ITSN2: variants seen among roughly 807,000 people sequenced by gnomAD.
The protein encoded by ITSN2 is intersectin 2, also known as intersectin-2.
A neutral mutation model predicts 243.7 loss-of-function variants in ITSN2; 156 were observed. The observed-to-expected ratio is 0.64, with a 90% CI of 0.56 to 0.73. ITSN2 has a LOEUF of 0.73. Among genes scored for constraint, ITSN2 ranks in the 30% least tolerant of loss-of-function variants. The pLI is 0.00. For synonymous variants in ITSN2, 703 were observed against 699.9 expected (o/e 1.00, Z -0.07); for missense variants, 1,801 against 1,996.1 (o/e 0.90, Z 1.86).
chr2:24,297,113 A>C (rs1681065118), intron 13 of ITSN2, among the ~76,000 whole-genome samples: 1 of 152,254 alleles, frequency 6.6e-6, no homozygotes, highest in Admixed American at 6.5e-5. Flanking sequence ...GGCATGATTA[A>C]TACTTGTGGT....
chr2:24,239,799 A>AT (rs912441632), intron 29 of ITSN2: 2 of 152,130 alleles, frequency 1.3e-5, no homozygotes, highest in African/African-American at 4.8e-5. Flanking sequence ...GACTTAAGTT[A>AT]TTATGTCATA....
chr2:24,302,063 T>G lies in ITSN2; in HGVS notation c.897A>C (p.Ala299=), dbSNP rs762856430. 1 of 1,612,106 alleles carries G rather than the reference T, an allele frequency of 6.2e-7. No individual in the cohort carries two copies. The highest frequency in any genetic ancestry group is 8.5e-7 in the Non-Finnish European group (1 of 1,178,810). The part of the protein sequence containing the change: ...ADVDGDGQLK[A]EEFILAMHLT... Reference sequence around the variant, plus strand: ...GGTGCATTGCAAGAATAAACTCTTCTGCTTTTAGCTGTCCATCACCATCAA... The same window carrying G: ...GGTGCATTGCAAGAATAAACTCTTCGGCTTTTAGCTGTCCATCACCATCAA... Residue 299 remains alanine, a synonymous_variant, in exon 10 of 40, where the codon GCA becomes GCC. Transcript: ENST00000355123.
At chr2:24,349,826 C>G (rs1243936421) in intron 1 of ITSN2, among the ~76,000 whole-genome samples, 3 of 152,080 alleles carry the variant, frequency 2.0e-5, no homozygotes, top group Admixed American at 2.0e-4. Context: ...AAGAGCAAAA[C>G]GGTCCACAAA....
intron 1 of ITSN2, among the ~76,000 whole-genome samples, chr2:24,347,439 C>A (rs1470376834): frequency 6.6e-6 from 1 of 152,102 alleles, no homozygotes; most frequent in Admixed American, 6.6e-5. Flanking sequence ...GTAATCCCAG[C>A]CCTTTGGGAG....
At chr2:24,229,177 G>A (rs1018465208) in intron 29 of ITSN2, among the ~76,000 whole-genome samples, 9 of 152,108 alleles carry the variant, frequency 5.9e-5, no homozygotes, top group East Asian at 1.9e-4. Flanking sequence ...ATCTATAATC[G>A]TAGTAGAGTT....
At chr2:24,256,695 T>C (rs1186222499) in intron 23 of ITSN2, among the ~76,000 whole-genome samples, 3 of 152,236 alleles carry the variant, frequency 2.0e-5, no homozygotes, top group South Asian at 2.1e-4. Context: ...GCTAATATGA[T>C]TGAGCAGCTA....
intron 1 of ITSN2, among the ~76,000 whole-genome samples, chr2:24,340,771 T>C (rs902981214): frequency 7.2e-5 from 11 of 152,094 alleles, no homozygotes; most frequent in South Asian, 2.1e-4. Flanking sequence ...CACACACACA[T>C]ATAGTATATG....
chr2:24,212,964 G>T (rs1052982409), intron 32 of ITSN2, among the ~76,000 whole-genome samples: 2 of 151,986 alleles, frequency 1.3e-5, no homozygotes, highest in African/African-American at 4.8e-5. Context: ...TTGCTACACT[G>T]ATATGTCGCA....
chr2:24,227,498 A>T (rs1386538571), intron 29 of ITSN2, among the ~76,000 whole-genome samples: 1 of 152,196 alleles, frequency 6.6e-6, no homozygotes, highest in Non-Finnish European at 1.5e-5. Context: ...GTTGAAAAAG[A>T]ATAAAAATGG....
intron 29 of ITSN2, among the ~76,000 whole-genome samples, chr2:24,245,460 AG>A (rs1673239445): frequency 6.6e-6 from 1 of 152,068 alleles, no homozygotes; most frequent in Non-Finnish European, 1.5e-5. Flanking sequence ...ATAGGTGAAT[AG>A]GGTAATTGCT....
chr2:24,244,662 T>C (rs377712311), intron 29 of ITSN2, among the ~76,000 whole-genome samples: 2 of 152,158 alleles, frequency 1.3e-5, no homozygotes, highest in Non-Finnish European at 2.9e-5. Flanking sequence ...TAATTAATCA[T>C]TGTGAACTGC....
chr2:24,206,360 G>C (rs1668861999), intron 37 of ITSN2: 1 of 355,122 alleles, frequency 2.8e-6, no homozygotes, highest in Non-Finnish European at 5.6e-6. Context: ...GGCTGCATGG[G>C]GGGGCCCGGC....
intron 15 of ITSN2, among the ~76,000 whole-genome samples, chr2:24,289,592 C>T (rs947868870): frequency 6.6e-6 from 1 of 152,054 alleles, no homozygotes; most frequent in African/African-American, 2.4e-5. Context: ...TATTTTATTC[C>T]TTTTTCTTGT....
At chr2:24,241,517 C>CA in intron 29 of ITSN2, 1 of 152,430 alleles carries the variant, frequency 6.6e-6, no homozygotes, top group East Asian at 1.9e-4. Context: ...CAGAGCAGGC[C>CA]ACTTTCCTCT....
chr2:24,303,762 G>C (rs1057358947), intron 9 of ITSN2, 37 bp downstream of exon 9: 6 of 1,288,698 alleles, frequency 4.7e-6, no homozygotes, highest in Non-Finnish European at 5.7e-6. Flanking sequence ...TTAATGCATA[G>C]TTAAATTAAT....
At chr2:24,337,313 A>AC (rs1286635990) in intron 1 of ITSN2, among the ~76,000 whole-genome samples, 1 of 13,098 alleles carries the variant, frequency 7.6e-5, no homozygotes, top group African/African-American at 2.7e-4. Context: ...GTGTATACAC[A>AC]AAATATATAT....
chr2:24,203,097 T>TAATC lies in ITSN2; in HGVS notation c.*525_*528dup, dbSNP rs1165954110. ...TGTCTTAGCAGAGAGTGATAAAATC[T>TAATC]AATCAGGAATAAAATGATCAAGTTT... On this transcript the variant is annotated 3_prime_UTR_variant, in exon 40 of 40. Transcript: ENST00000355123. 6.5e-6 allele frequency: 1 copy of TAATC among 152,806 alleles called. No individual in the cohort carries two copies. Among genetic ancestry groups the TAATC allele is most frequent in the Non-Finnish European group, 1.5e-5 (1 of 68,166 alleles). 9.5% of individuals were successfully genotyped at this position (152,806 alleles called of 1,614,324 possible).
Position 24,209,839 on chromosome 2 carries a change from A to G in ITSN2, c.4452T>C (p.Ala1484=). The G allele has an allele frequency of 1.2e-6, 2 of 1,614,020 alleles. No homozygotes were observed. Among genetic ancestry groups the G allele is most frequent in the Non-Finnish European group, 1.7e-6 (2 of 1,179,856 alleles). ...TCACCGTTTTATACATTTTGAATTG[A>G]GCATTGGACTTCGAGCTGAAAAGTT... ...SEKLFSSKSN[A]QFKMYKTPIF... The change falls in exon 35 of 40, where the codon GCT becomes GCC. Residue 1484 remains alanine (A), a synonymous_variant. Transcript: ENST00000355123.
intron 29 of ITSN2, 45 bp downstream of exon 29, chr2:24,246,084 G>T: frequency 7.7e-7 from 1 of 1,301,542 alleles, no homozygotes; most frequent in Non-Finnish European, 1.1e-6. Context: ...GCTGTATATT[G>T]AAGTTTCACA....
Sources: gnomAD v4.1 joint callset for allele counts (sites outside exome capture counted in the v4.1 genomes callset) on GRCh38, gnomAD v4.1.1 for gene constraint, MANE v1.5 for transcripts, NCBI Gene and HGNC (gene_info 2026-07-23, HGNC 2026-07-21) for gene names.